Variants in TCF7 observed in about 807,000 individuals in gnomAD.
TCF7 encodes the protein transcription factor 7.
TCF7 carries 19 observed loss-of-function variants against 46.8 expected under a neutral mutation model. The observed-to-expected ratio is 0.41, with a 90% CI of 0.28 to 0.60. TCF7 has a LOEUF of 0.60. Among genes scored for constraint, TCF7 ranks in the 20% least tolerant of loss-of-function variants. The pLI is 0.35. For synonymous variants in TCF7, 245 were observed against 213.4 expected, an observed-to-expected ratio of 1.15 and a Z score of -1.29; for missense variants, 547 against 504.6, an observed-to-expected ratio of 1.08 and a Z score of -0.81.
At chr5:134,139,410 A>G in intron 5 of TCF7, 1 of 215,360 alleles carries the variant, frequency 4.6e-6, no homozygotes, top group Non-Finnish European at 9.5e-6. Flanking sequence ...GGGAGGGGAC[A>G]GCATGAGTGG....
At chr5:134,121,698 C>T (rs1426668147) in intron 3 of TCF7, among the ~76,000 whole-genome samples, 2 of 152,170 alleles carry the variant, frequency 1.3e-5, no homozygotes, top group Non-Finnish European at 2.9e-5. Flanking sequence ...GGGCAGCCTC[C>T]TTGCTTGCAG....
intron 5 of TCF7, chr5:134,141,090 G>A (rs765346396): frequency 3.4e-5 from 10 of 297,676 alleles, no homozygotes; most frequent in African/African-American, 6.8e-5. Flanking sequence ...GGGCCACACC[G>A]TGCAGCAGAG....
In TCF7 at chr5:134,124,542, GACT is replaced by G. The variant is rs749087008; in HGVS notation, c.441+8513_441+8515del. Among the ~76,000 whole-genome samples, 7 of 152,128 alleles carry G rather than the reference GACT, an allele frequency of 4.6e-5. No individual in the cohort carries two copies. The East Asian group carries it at 1.4e-3, about 29-fold the overall frequency. On this transcript the variant is annotated intron_variant, in intron 3 of 9. Transcript: ENST00000342854. ...GTCACCTGCCTGGGCTCTGCTAGCA[GACT>G]ACTCTAGAGCCGGAGCAAGCCTGGG...
At chr5:134,133,114 T>G (rs1482066374) in intron 3 of TCF7, among the ~76,000 whole-genome samples, 2 of 152,012 alleles carry the variant, frequency 1.3e-5, no homozygotes, top group Non-Finnish European at 2.9e-5. Flanking sequence ...CAGAGATGAC[T>G]CTCAGGGTAG....
chr5:134,132,652 T>A (rs911059012), intron 3 of TCF7, among the ~76,000 whole-genome samples: 3 of 151,124 alleles, frequency 2.0e-5, no homozygotes, highest in African/African-American at 2.4e-5. Context: ...GCTGTCAGCG[T>A]GCACACAGCC....
At chr5:134,125,710 G>C (rs919459661) in intron 3 of TCF7, among the ~76,000 whole-genome samples, 6 of 152,252 alleles carry the variant, frequency 3.9e-5, no homozygotes, top group African/African-American at 1.4e-4. Context: ...GGGGAGCACT[G>C]GGAGGGTGCT....
chr5:134,144,774 C>A, intron 9 of TCF7: 2 of 1,607,494 alleles, frequency 1.2e-6, no homozygotes, highest in South Asian at 1.1e-5. Context: ...CCTGCTCTAC[C>A]CCTCTGGCAT....
chr5:134,138,610 G>A, intron 4 of TCF7: 1 of 294,424 alleles, frequency 3.4e-6, no homozygotes, highest in Non-Finnish European at 6.4e-6. Context: ...CCCAGGCTGG[G>A]CTCCCCTAGA....
chr5:134,146,370 A>C lies in TCF7; in HGVS notation c.*67A>C. On this transcript the variant is annotated 3_prime_UTR_variant, in exon 10 of 10. Coordinates refer to ENST00000342854, the MANE Select transcript of TCF7 (RefSeq NM_003202.5). ...CATCTGCTGCCCCGCTTCCCCACAG[A>C]ACTGCTTACTAGCCCTGCGGAGCCG... is the stretch of plus-strand genomic sequence containing the variant. 1.3e-6 allele frequency: 2 copies of C among 1,583,714 alleles called. No individual in the cohort carries two copies. The highest frequency in any genetic ancestry group is 1.7e-6 in the Non-Finnish European group (2 of 1,152,316).
chr5:134,146,384 C>T lies in TCF7; in HGVS notation c.*81C>T, dbSNP rs901246832. 2 of 1,552,008 alleles carry T rather than the reference C, an allele frequency of 1.3e-6. No individual in the cohort carries two copies. Among genetic ancestry groups the T allele is most frequent in the South Asian group, 1.1e-5 (1 of 89,852 alleles). On this transcript the variant is annotated 3_prime_UTR_variant, in exon 10 of 10. Coordinates refer to ENST00000342854, the MANE Select transcript of TCF7 (RefSeq NM_003202.5). ...CTTCCCCACAGAACTGCTTACTAGC[C>T]CTGCGGAGCCGGCACCTACATCCCC...
At chr5:134,119,841 C>T (rs913826210) in intron 3 of TCF7, among the ~76,000 whole-genome samples, 22 of 152,374 alleles carry the variant, frequency 1.4e-4, no homozygotes, top group East Asian at 5.8e-4. Context: ...CGCCCCAGAG[C>T]GAGCTGTGGG....
intron 3 of TCF7, among the ~76,000 whole-genome samples, chr5:134,128,864 T>G (rs951704959): frequency 2.6e-5 from 4 of 152,196 alleles, no homozygotes; most frequent in African/African-American, 7.2e-5. Context: ...CTCTTGCTTT[T>G]CTTTTGGTCA....
intron 3 of TCF7, among the ~76,000 whole-genome samples, chr5:134,125,695 AG>A (rs912647067): frequency 6.6e-6 from 1 of 152,242 alleles, no homozygotes; most frequent in African/African-American, 2.4e-5. Flanking sequence ...AGTGGCCCCA[AG>A]GAGGGGGAGC....
chr5:134,140,879 C>T (rs1363955178), intron 5 of TCF7: 1 of 436,998 alleles, frequency 2.3e-6, no homozygotes, highest in Non-Finnish European at 4.6e-6. Flanking sequence ...CCTGGCGCCC[C>T]CTACCCCAGG....
In TCF7 at chr5:134,146,916, G is replaced by T. The variant is rs1471513957; in HGVS notation, c.*613G>T. On this transcript the variant is annotated 3_prime_UTR_variant, in exon 10 of 10. Transcript: ENST00000342854. ...CCCACTGCCACACCCTCCCCATTCA[G>T]ACACTTCATGGACCAAGAATGAGCT... 4.1e-6 allele frequency: 1 copy of T among 245,336 alleles called. No individual in the cohort carries two copies. The highest frequency in any genetic ancestry group is 7.8e-6 in the Non-Finnish European group (1 of 127,424). 15.2% of individuals were successfully genotyped at this position (245,336 alleles called of 1,614,324 possible).
At chr5:134,113,168 G>C (rs1172402834), upstream of TCF7, among the ~76,000 whole-genome samples, 1 of 152,210 alleles carries the variant, frequency 6.6e-6, no homozygotes, top group Non-Finnish European at 1.5e-5. Context: ...TAAGCGGCAA[G>C]CCCACCCTGG....
intron 3 of TCF7, among the ~76,000 whole-genome samples, chr5:134,121,681 C>T (rs1432159109): frequency 6.6e-6 from 1 of 152,154 alleles, no homozygotes; most frequent in East Asian, 1.9e-4. Context: ...CACGATGCCA[C>T]AGGTGTGGGC....
At chr5:134,113,320 G>T (rs1271521780), upstream of TCF7, among the ~76,000 whole-genome samples, 1 of 152,232 alleles carries the variant, frequency 6.6e-6, no homozygotes, top group Non-Finnish European at 1.5e-5. Context: ...GCGGGGGAGG[G>T]GGGTGTGGGG....
At chr5:134,138,206 C>T (rs34697748) in intron 4 of TCF7, 42 bp downstream of exon 4, 1 of 1,576,260 alleles carries the variant, frequency 6.3e-7, no homozygotes, top group Middle Eastern at 1.7e-4. Flanking sequence ...AAACCAGAGC[C>T]TAAGGGCCAA....
Sources: gnomAD v4.1 joint callset for allele counts (sites outside exome capture counted in the v4.1 genomes callset) on GRCh38, gnomAD v4.1.1 for gene constraint, MANE v1.5 for transcripts, NCBI Gene and HGNC (gene_info 2026-07-23, HGNC 2026-07-21) for gene names.